UPF2: variants seen among roughly 807,000 people sequenced by gnomAD.
UPF2 encodes the protein UPF2 regulator of nonsense mediated mRNA decay, also known as regulator of nonsense transcripts 2.
In UPF2, 17 loss-of-function variants were observed where a neutral mutation model predicts 141.4. The observed-to-expected ratio is 0.12, with a 90% CI of 0.08 to 0.18. The LOEUF is 0.18. Ranked by LOEUF, UPF2 falls within the 10% of genes least tolerant of loss-of-function variation. The pLI is 1.00. For synonymous variants in UPF2, 540 were observed against 498.0 expected (o/e 1.08, Z -1.12); for missense variants, 1,152 against 1,515.9 (o/e 0.76, Z 3.99).
intron 3 of UPF2, among the ~76,000 whole-genome samples, chr10:12,021,921 G>A (rs1834324745): frequency 6.6e-6 from 1 of 152,042 alleles, no homozygotes; most frequent in Non-Finnish European, 1.5e-5. Context: ...CAAGGCGGGC[G>A]GATCACTTGA....
chr10:11,939,314 T>C lies in UPF2; in HGVS notation c.3379-2602A>G, dbSNP rs994016779. On this transcript the variant is annotated intron_variant, in intron 18 of 21. Coordinates refer to ENST00000357604, the MANE Select transcript of UPF2 (RefSeq NM_015542.4). The surrounding 1 kb of genome is among the most constrained non-coding windows in gnomAD (Gnocchi z 4.8). ...TCTTCATAATTATTGGAGTGTTTGATAGATTTGCAATTAATTCTGCTGTGG... is the reference window on the plus strand; with the variant it reads ...TCTTCATAATTATTGGAGTGTTTGACAGATTTGCAATTAATTCTGCTGTGG... 2.0e-5 allele frequency among the ~76,000 whole-genome samples: 3 copies of C among 152,212 alleles called. No homozygotes were observed. Among genetic ancestry groups the C allele is most frequent in the East Asian group, 1.9e-4 (1 of 5,200 alleles).
intron 8 of UPF2, among the ~76,000 whole-genome samples, chr10:11,984,134 G>A (rs1045478102): frequency 6.6e-6 from 1 of 152,032 alleles, no homozygotes; most frequent in Non-Finnish European, 1.5e-5. Flanking sequence ...TGTTGGTCAG[G>A]GTGGTCTGGA....
intron 5 of UPF2, 126 bp from the exon 6 acceptor site, chr10:12,001,951 A>T: frequency 1.2e-6 from 1 of 823,548 alleles, no homozygotes. Flanking sequence ...TGGCAACTGA[A>T]GTTAATATAT....
intron 21 of UPF2, among the ~76,000 whole-genome samples, chr10:11,925,540 G>C (rs1469519277): frequency 6.6e-6 from 1 of 152,246 alleles, no homozygotes; most frequent in Non-Finnish European, 1.5e-5. Flanking sequence ...AGACAGAATG[G>C]AAACAACATG....
Position 11,952,173 on chromosome 10 carries a change from A to T in UPF2, c.2927T>A (p.Ile976Asn). 1.9e-6 allele frequency: 3 copies of T among 1,613,936 alleles called. No homozygotes were observed. The highest frequency in any genetic ancestry group is 2.5e-6 in the Non-Finnish European group (3 of 1,179,906). ...HPFPIDIDYM[I>N]SDTLELLRPK... ...TCTTAGCAGTTCTAGTGTATCACTG[A>T]TCATGTAATCTATATCAATAGGAAA... The change falls in exon 15 of 22, where the codon ATC (isoleucine) becomes AAC (asparagine). Residue 976 changes from isoleucine (I) to asparagine (N), a missense_variant. By Grantham distance (149) the Ile-to-Asn change is moderately radical. Coordinates refer to ENST00000357604, the MANE Select transcript of UPF2 (RefSeq NM_015542.4).
At position 12,003,923 on chromosome 10, in the gene UPF2, C is replaced by CAG. The variant is rs565675993; in HGVS notation, c.1504+606_1504+607insCT. Among the ~76,000 whole-genome samples, 4 of 81,554 alleles carry CAG rather than the reference C, an allele frequency of 4.9e-5. No homozygotes were observed. In the East Asian group the frequency reaches 1.5e-3, roughly 31 times the overall value. 53.5% of individuals were successfully genotyped at this position (81,554 alleles called of 152,430 possible). On this transcript the variant is annotated intron_variant, in intron 5 of 21. Transcript: ENST00000357604. ...CTGGACAAGAGCAAAAACTCCGCCT[C>CAG]AAAAAAAAAAAAAAAAAAAAAGAAT...
chr10:11,927,259 A>G (rs376845442), intron 21 of UPF2, among the ~76,000 whole-genome samples: 9 of 152,218 alleles, frequency 5.9e-5, no homozygotes, highest in African/African-American at 2.2e-4. Context: ...CTTGCGATAC[A>G]TGAATTGTGA....
chr10:12,017,916 CTTTTG>C (rs997699498), intron 3 of UPF2, among the ~76,000 whole-genome samples: 8 of 152,028 alleles, frequency 5.3e-5, no homozygotes, highest in Non-Finnish European at 7.4e-5. Context: ...CAGATTTTTT[CTTTTG>C]TTTTGTTTTG....
At chr10:11,967,904 G>A (rs746720413) in intron 9 of UPF2, among the ~76,000 whole-genome samples, 3 of 152,106 alleles carry the variant, frequency 2.0e-5, no homozygotes, top group South Asian at 2.1e-4. Flanking sequence ...GCTATAGGCC[G>A]GGTGCGGTGG....
chr10:12,035,275 C>T lies in UPF2; in HGVS notation c.149G>A (p.Ser50Asn). 1 of 1,614,010 alleles carries T rather than the reference C, an allele frequency of 6.2e-7. No homozygotes were observed. Among genetic ancestry groups the T allele is most frequent in the Non-Finnish European group, 8.5e-7 (1 of 1,180,028 alleles). The stretch of plus-strand genomic sequence containing the variant: ...CTTCTTCTTGTCTTCAGGGGCCTTG[C>T]TGACCTCCTTCTTGGCAGTGAGCTT... ...DIKLTAKKEV[S>N]KAPEDKKKRL... The change falls in exon 2 of 22, where the codon AGC (serine) becomes AAC (asparagine). Residue 50 changes from serine (S) to asparagine (N), a missense_variant. By Grantham distance (46) the Ser-to-Asn change is conservative. Coordinates refer to ENST00000357604, the MANE Select transcript of UPF2 (RefSeq NM_015542.4).
intron 9 of UPF2, among the ~76,000 whole-genome samples, chr10:11,976,985 GCTA>G (rs1378193017): frequency 5.9e-5 from 9 of 152,194 alleles, no homozygotes; most frequent in Non-Finnish European, 1.3e-4. Context: ...AAGTTACGAT[GCTA>G]GCATGTGGTG....
chr10:11,922,099 A>C lies in UPF2; in HGVS notation c.3810-792T>G, dbSNP rs547852363. The stretch of plus-strand genomic sequence containing the variant: ...GCGGAGACCAGGGTGAGGTATGACA[A>C]GGTATGGAAGCCAAAGACTGCCGGC... On this transcript the variant is annotated intron_variant, in intron 21 of 21. Transcript: ENST00000357604. Among the ~76,000 whole-genome samples the C allele has an allele frequency of 4.6e-5, 7 of 152,230 alleles. No homozygotes were observed. In the South Asian group the frequency reaches 8.3e-4, roughly 18 times the overall value.
At chr10:11,985,019 T>C (rs926197271) in intron 8 of UPF2, among the ~76,000 whole-genome samples, 3 of 152,202 alleles carry the variant, frequency 2.0e-5, no homozygotes, top group Non-Finnish European at 4.4e-5. Flanking sequence ...GGTCCAGCTA[T>C]GCATTTTAAA....
chr10:11,922,675 CTG>C (rs937746387), intron 21 of UPF2, among the ~76,000 whole-genome samples: 1 of 152,110 alleles, frequency 6.6e-6, no homozygotes, highest in African/African-American at 2.4e-5. Context: ...AGCTCAAAAA[CTG>C]TTTATTAATA....
intron 4 of UPF2, among the ~76,000 whole-genome samples, chr10:12,011,288 C>T (rs545139469): frequency 1.3e-5 from 2 of 152,306 alleles, no homozygotes; most frequent in East Asian, 3.9e-4. Flanking sequence ...TCATGCCGGG[C>T]CAAAAAGATC....
chr10:12,003,987 G>T (rs2131270073), intron 5 of UPF2, among the ~76,000 whole-genome samples: 1 of 151,302 alleles, frequency 6.6e-6, no homozygotes, highest in Middle Eastern at 3.5e-3. Context: ...AACCAGGTAG[G>T]AGGTATTACA....
chr10:11,950,054 AAC>A (rs917310135), intron 15 of UPF2, among the ~76,000 whole-genome samples: 1 of 152,174 alleles, frequency 6.6e-6, no homozygotes, highest in African/African-American at 2.4e-5. Context: ...GAAAATCACA[AAC>A]ACAAAAAAAA....
intron 1 of UPF2, among the ~76,000 whole-genome samples, chr10:12,041,355 C>A (rs527756267): frequency 4.6e-5 from 7 of 152,096 alleles, no homozygotes; most frequent in Admixed American, 3.3e-4. Context: ...ATTCAGACTA[C>A]CCTTAAAAGG....
chr10:11,933,247 C>T (rs1832803265), intron 19 of UPF2, among the ~76,000 whole-genome samples: 2 of 152,058 alleles, frequency 1.3e-5, no homozygotes, highest in South Asian at 4.1e-4. Flanking sequence ...AACCGTTGCA[C>T]CAGAAGGGCC....
Sources: allele counts gnomAD v4.1 joint callset (sites outside exome capture counted in the v4.1 genomes callset), GRCh38; gene constraint gnomAD v4.1.1; non-coding constraint Gnocchi (gnomAD v3.1); transcripts MANE v1.5; gene names NCBI Gene and HGNC (gene_info 2026-07-23, HGNC 2026-07-21).